Variants in CSMD1 observed in about 807,000 individuals in gnomAD.
CSMD1 encodes the protein CUB and Sushi multiple domains 1.
A neutral mutation model predicts 417.5 loss-of-function variants in CSMD1; 213 were observed. The ratio of observed to expected loss-of-function variants is 0.51; its 90% CI spans 0.46 to 0.57. CSMD1 has a LOEUF of 0.57. Among genes scored for constraint, CSMD1 ranks in the 20% least tolerant of loss-of-function variants. The pLI is 0.00. For missense variants in CSMD1, 6,923 were observed against 4,529.7 expected (o/e 1.53, Z -15.17); for synonymous variants, 2,862 against 1,736.8 (o/e 1.65, Z -16.11).
chr8:3,546,586 G>C (rs140833596), intron 10 of CSMD1, among the ~76,000 whole-genome samples: 1 of 151,826 alleles, frequency 6.6e-6, no homozygotes, highest in East Asian at 1.9e-4. Context: ...TCTCCTCACA[G>C]TACTGAGCAA....
intron 5 of CSMD1, among the ~76,000 whole-genome samples, chr8:3,919,792 G>T (rs985570939): frequency 8.6e-5 from 13 of 151,952 alleles, no homozygotes; most frequent in Admixed American, 7.9e-4. Context: ...ATTTGTTTGT[G>T]TTTTCAATTT....
At chr8:4,590,030 G>A (rs758462589) in intron 2 of CSMD1, among the ~76,000 whole-genome samples, 1 of 152,170 alleles carries the variant, frequency 6.6e-6, no homozygotes, top group East Asian at 1.9e-4. Context: ...GCTTGTCTAT[G>A]CTTTTTAACA....
chr8:3,664,995 T>A (rs1371646402), intron 7 of CSMD1, among the ~76,000 whole-genome samples: 4 of 152,050 alleles, frequency 2.6e-5, no homozygotes, highest in Non-Finnish European at 5.9e-5. Flanking sequence ...TATGTATATT[T>A]GATATATATT....
In CSMD1 at chr8:3,548,471, C is replaced by T. The variant is rs551882933; in HGVS notation, c.1344+26474G>A. On this transcript the variant is annotated intron_variant, in intron 10 of 69. Transcript: ENST00000635120. ...TTCCCACCCTTTCTGCCTGAGTCCT[C>T]GAGGTCTACCCTGCCACTCTTATGC... Among the ~76,000 whole-genome samples the T allele has an allele frequency of 8.6e-5, 13 of 151,934 alleles. 1 individual carries two copies. The highest frequency in any genetic ancestry group is 6.8e-3 in the Middle Eastern group (2 of 294).
intron 3 of CSMD1, among the ~76,000 whole-genome samples, chr8:4,162,802 T>C (rs931742653): frequency 2.4e-4 from 36 of 152,292 alleles, no homozygotes; most frequent in African/African-American, 8.2e-4. Context: ...GTATTGTACA[T>C]GCTATGGGTG....
intron 3 of CSMD1, among the ~76,000 whole-genome samples, chr8:4,358,525 T>C (rs1308018834): frequency 6.6e-6 from 1 of 152,308 alleles, no homozygotes; most frequent in East Asian, 1.9e-4. Context: ...GCTCCGCAGA[T>C]GCAGAGGTGA....
At chr8:4,173,742 A>G (rs1225241490) in intron 3 of CSMD1, among the ~76,000 whole-genome samples, 4 of 152,092 alleles carry the variant, frequency 2.6e-5, no homozygotes, top group South Asian at 2.1e-4. Flanking sequence ...GTCATTAATA[A>G]AAAACTTATT....
Position 3,399,424 on chromosome 8 carries a change from T to G in CSMD1, c.2372A>C (p.Lys791Thr), listed in dbSNP as rs2116867592. 1 of 1,607,372 alleles carries G rather than the reference T, an allele frequency of 6.2e-7. No individual in the cohort carries two copies. The highest frequency in any genetic ancestry group is 8.5e-7 in the Non-Finnish European group (1 of 1,177,392). The change falls in exon 16 of 70, where the codon AAA (lysine) becomes ACA (threonine). Residue 791 changes from lysine to threonine, a missense_variant. Coordinates refer to ENST00000635120, the MANE Select transcript of CSMD1 (RefSeq NM_033225.6). The part of the protein sequence containing the change: ...SLHCEWIIEA[K>T]PGHSIKITFD... ...AGTTATTTTGATAGAGTGGCCTGGTTTTGCTTCAATTATCCATTCACAATG... is the reference window on the plus strand; with the variant it reads ...AGTTATTTTGATAGAGTGGCCTGGTGTTGCTTCAATTATCCATTCACAATG...
chr8:3,743,212 G>A (rs1456527499), intron 6 of CSMD1, among the ~76,000 whole-genome samples: 3 of 152,148 alleles, frequency 2.0e-5, no homozygotes, highest in Non-Finnish European at 2.9e-5. Context: ...AGAGTGTTCT[G>A]CCCTTTTTTT....
intron 3 of CSMD1, among the ~76,000 whole-genome samples, chr8:4,410,711 A>G (rs1166862660): frequency 6.6e-6 from 1 of 152,216 alleles, no homozygotes; most frequent in Non-Finnish European, 1.5e-5. Flanking sequence ...ATCTTGGGAG[A>G]GAAGTATGTA....
chr8:3,757,690 C>A (rs1285904492), intron 5 of CSMD1, among the ~76,000 whole-genome samples: 1 of 151,920 alleles, frequency 6.6e-6, no homozygotes, highest in East Asian at 2.0e-4. Context: ...TGGTGAAACC[C>A]TGTCTCTACT....
chr8:4,760,701 T>C (rs1032623411), intron 1 of CSMD1, among the ~76,000 whole-genome samples: 5 of 152,310 alleles, frequency 3.3e-5, no homozygotes, highest in African/African-American at 1.2e-4. Flanking sequence ...TCAAATTTAC[T>C]CTAATAAAAG....
chr8:4,145,371 CA>C (rs1016926005), intron 3 of CSMD1, among the ~76,000 whole-genome samples: 2 of 150,922 alleles, frequency 1.3e-5, no homozygotes, highest in Non-Finnish European at 2.9e-5. Flanking sequence ...AAAAATGTCC[CA>C]AACATTATAT....
chr8:3,018,266 A>C (rs1809032863), intron 52 of CSMD1, among the ~76,000 whole-genome samples: 1 of 152,250 alleles, frequency 6.6e-6, no homozygotes, highest in African/African-American at 2.4e-5. Context: ...CCTTTATGGC[A>C]CTTAAGGCAA....
intron 5 of CSMD1, among the ~76,000 whole-genome samples, chr8:3,926,003 CT>C (rs1809633585): frequency 2.7e-5 from 4 of 147,088 alleles, no homozygotes; most frequent in Admixed American, 2.1e-4. Flanking sequence ...AACTAATTGT[CT>C]ATTTGTCTAT....
intron 18 of CSMD1, among the ~76,000 whole-genome samples, chr8:3,383,080 G>A (rs868216226): frequency 7.2e-6 from 1 of 139,272 alleles, no homozygotes; most frequent in Admixed American, 7.7e-5. Context: ...AATGGATCTG[G>A]ACACTACATC....
At chr8:4,036,478 T>C (rs1473136674) in intron 3 of CSMD1, among the ~76,000 whole-genome samples, 2 of 152,180 alleles carry the variant, frequency 1.3e-5, no homozygotes, top group African/African-American at 4.8e-5. Context: ...TGAAAAGAAA[T>C]ATTTGTAAAC....
chr8:4,657,313 A>G (rs911101162), intron 1 of CSMD1, among the ~76,000 whole-genome samples: 1 of 152,198 alleles, frequency 6.6e-6, no homozygotes, highest in Admixed American at 6.5e-5. Context: ...AGGGCCCAGC[A>G]CACAAAGGGT....
At chr8:3,128,466 G>C (rs1200488576) in intron 41 of CSMD1, 5 of 213,306 alleles carry the variant, frequency 2.3e-5, no homozygotes, top group Non-Finnish European at 4.8e-5. Context: ...GTACAGCACA[G>C]ACATCATTGA....
Sources: gnomAD v4.1 joint callset for allele counts (sites outside exome capture counted in the v4.1 genomes callset) on GRCh38, gnomAD v4.1.1 for gene constraint, MANE v1.5 for transcripts, NCBI Gene and HGNC (gene_info 2026-07-23, HGNC 2026-07-21) for gene names.